TTC28: variants seen among roughly 807,000 people sequenced by gnomAD.
The protein encoded by TTC28 is tetratricopeptide repeat domain 28.
A neutral mutation model predicts 198.0 loss-of-function variants in TTC28; 61 were observed. The observed-to-expected ratio is 0.31, with a 90% CI of 0.25 to 0.38. TTC28 has a LOEUF of 0.38. Ranked by LOEUF, TTC28 falls within the 10% of genes least tolerant of loss-of-function variation. The pLI is 1.00. For synonymous variants in TTC28, 1,171 were observed against 1,297.8 expected, an observed-to-expected ratio of 0.90 and a Z score of 2.10; for missense variants, 2,678 against 3,164.0, an observed-to-expected ratio of 0.85 and a Z score of 3.69.
chr22:28,632,404 G>C (rs1331594862), intron 1 of TTC28, among the ~76,000 whole-genome samples: 3 of 151,562 alleles, frequency 2.0e-5, no homozygotes, highest in Non-Finnish European at 2.9e-5. Flanking sequence ...AGCCTCCCGA[G>C]TAGCTGGGAT....
chr22:28,626,212 T>C (rs2051074355), intron 2 of TTC28, among the ~76,000 whole-genome samples: 1 of 152,144 alleles, frequency 6.6e-6, no homozygotes, highest in African/African-American at 2.4e-5. Context: ...CAGACTGAAC[T>C]CATTGCTTTT....
At chr22:27,991,348 G>A (rs1489054673) in intron 19 of TTC28, among the ~76,000 whole-genome samples, 2 of 152,166 alleles carry the variant, frequency 1.3e-5, no homozygotes, top group African/African-American at 2.4e-5. Context: ...CCTCTAGACC[G>A]CCTGGGTTCA....
chr22:28,228,554 G>A (rs1288249978), intron 5 of TTC28, among the ~76,000 whole-genome samples: 1 of 152,032 alleles, frequency 6.6e-6, no homozygotes, highest in African/African-American at 2.4e-5. Flanking sequence ...ACAAAAATTA[G>A]CTGGGCGTGG....
intron 1 of TTC28, 124 bp from the exon 2 acceptor site, chr22:28,629,954 G>C: frequency 1.2e-6 from 1 of 818,468 alleles, no homozygotes; most frequent in Non-Finnish European, 1.9e-6. Context: ...TATTGGAGGT[G>C]GGGCCTAATG....
chr22:28,182,245 G>A (rs1923768775), intron 5 of TTC28, among the ~76,000 whole-genome samples: 1 of 152,112 alleles, frequency 6.6e-6, no homozygotes, highest in African/African-American at 2.4e-5. Flanking sequence ...CCTGGATTAG[G>A]AAACATATTC....
intron 2 of TTC28, among the ~76,000 whole-genome samples, chr22:28,424,330 C>T (rs1026376457): frequency 1.3e-5 from 2 of 152,150 alleles, no homozygotes; most frequent in Admixed American, 6.5e-5. Flanking sequence ...CTCTACTCCT[C>T]TCCATGGGGC....
At chr22:28,042,953 C>T (rs1939713399) in intron 12 of TTC28, among the ~76,000 whole-genome samples, 1 of 152,078 alleles carries the variant, frequency 6.6e-6, no homozygotes, top group Non-Finnish European at 1.5e-5. Context: ...CTTCTAGAAA[C>T]TGCCTCCCTG....
intron 2 of TTC28, among the ~76,000 whole-genome samples, chr22:28,409,758 G>A (rs925713740): frequency 1.5e-4 from 23 of 151,036 alleles, no homozygotes; most frequent in African/African-American, 5.6e-4. Flanking sequence ...CCGGGCTCAA[G>A]CAATTCTCCT....
At chr22:28,061,575 G>A (rs1479482699) in intron 12 of TTC28, among the ~76,000 whole-genome samples, 1 of 152,072 alleles carries the variant, frequency 6.6e-6, no homozygotes, top group African/African-American at 2.4e-5. Flanking sequence ...CCATTGGTCT[G>A]TATCTCTGTT....
intron 1 of TTC28, among the ~76,000 whole-genome samples, chr22:28,633,152 T>C (rs1173703592): frequency 6.6e-6 from 1 of 150,910 alleles, no homozygotes; most frequent in Non-Finnish European, 1.5e-5. Context: ...TGGTGGCGGG[T>C]GCCTATAATC....
intron 2 of TTC28, among the ~76,000 whole-genome samples, chr22:28,524,477 A>T (rs1029565211): frequency 1.0e-3 from 153 of 150,906 alleles, no homozygotes; most frequent in African/African-American, 2.4e-3. Flanking sequence ...AAAAAAAAAA[A>T]ATATTCAACG....
intron 2 of TTC28, among the ~76,000 whole-genome samples, chr22:28,361,083 A>G (rs1031481838): frequency 2.6e-5 from 4 of 152,142 alleles, no homozygotes; most frequent in Admixed American, 2.0e-4. Context: ...GAGACACACA[A>G]TACTGAAATT....
At chr22:28,113,940 G>A (rs571586556) in intron 6 of TTC28, among the ~76,000 whole-genome samples, 552 of 152,264 alleles carry the variant, frequency 3.6e-3, no homozygotes, top group Admixed American at 6.7e-3. Context: ...AAGTCCTGAC[G>A]TGGATGTTTA....
intron 2 of TTC28, among the ~76,000 whole-genome samples, chr22:28,597,243 G>A (rs2050556543): frequency 6.6e-6 from 1 of 152,032 alleles, no homozygotes. Flanking sequence ...TCAGTTTAGT[G>A]GTGTTAAGTA....
At chr22:28,170,022 C>G (rs965237438) in intron 5 of TTC28, among the ~76,000 whole-genome samples, 3 of 152,030 alleles carry the variant, frequency 2.0e-5, no homozygotes, top group African/African-American at 7.2e-5. Flanking sequence ...ACAGCAAGTT[C>G]CTAATAAAAA....
At chr22:28,646,225 A>T (rs1569081384) in intron 1 of TTC28, among the ~76,000 whole-genome samples, 1 of 152,182 alleles carries the variant, frequency 6.6e-6, no homozygotes, top group East Asian at 1.9e-4. Context: ...TGCAAAATCG[A>T]TGTACACAGA....
intron 13 of TTC28, among the ~76,000 whole-genome samples, chr22:28,017,757 G>T (rs1938428867): frequency 6.6e-6 from 1 of 152,126 alleles, no homozygotes; most frequent in South Asian, 2.1e-4. Context: ...CCTCTCCCCA[G>T]GCTACCAGTT....
intron 22 of TTC28, 58 bp downstream of exon 22, chr22:27,985,191 C>T: frequency 7.7e-7 from 1 of 1,292,844 alleles, no homozygotes; most frequent in East Asian, 2.6e-5. Flanking sequence ...CTGGTGTCGG[C>T]CCCCAGGGAG....
At chr22:28,373,632 A>T (rs2046368951) in intron 2 of TTC28, among the ~76,000 whole-genome samples, 1 of 152,192 alleles carries the variant, frequency 6.6e-6, no homozygotes, top group Non-Finnish European at 1.5e-5. Flanking sequence ...TTAGTAGGTA[A>T]TTATGAAGAC....
Sources: allele counts gnomAD v4.1 joint callset (sites outside exome capture counted in the v4.1 genomes callset), GRCh38; gene constraint gnomAD v4.1.1; transcripts MANE v1.5; gene names NCBI Gene and HGNC (gene_info 2026-07-23, HGNC 2026-07-21).